Variants in PDE3A observed in about 807,000 individuals in gnomAD.
PDE3A encodes phosphodiesterase 3A, also known as cGMP-inhibited 3',5'-cyclic phosphodiesterase 3A.
In PDE3A, 43 loss-of-function variants were observed where a neutral mutation model predicts 98.3. The observed-to-expected ratio is 0.44, with a 90% CI of 0.34 to 0.56. The LOEUF is 0.56. Among genes scored for constraint, PDE3A ranks in the 20% least tolerant of loss-of-function variants. PDE3A has a pLI of 0.01. For synonymous variants in PDE3A, 663 were observed against 567.9 expected, an observed-to-expected ratio of 1.17 and a Z score of -2.38; for missense variants, 1,427 against 1,440.7, an observed-to-expected ratio of 0.99 and a Z score of 0.15.
chr12:20,677,420 T>C (rs1945669148), intron 15 of PDE3A, among the ~76,000 whole-genome samples: 1 of 151,930 alleles, frequency 6.6e-6, no homozygotes, highest in Admixed American at 6.6e-5. Flanking sequence ...TGCAGTGGTA[T>C]CTGTGTATCT....
intron 1 of PDE3A, among the ~76,000 whole-genome samples, chr12:20,419,713 A>G (rs1228354723): frequency 6.7e-6 from 1 of 148,920 alleles, no homozygotes; most frequent in Admixed American, 6.8e-5. Flanking sequence ...TTATATGACA[A>G]CCCTATGATT....
rs1338809123 is a variant in PDE3A, at chr12:20,551,592, C to CG, written c.961-5063dup. On this transcript the variant is annotated intron_variant, in intron 1 of 15. Coordinates refer to ENST00000359062, the MANE Select transcript of PDE3A (RefSeq NM_000921.5). ...AGCGGGTCTGCGCCTGCCACCTGTGCGGGGGCCGGCAGGACCCCGACAAGC... is the reference window on the plus strand; with the variant it reads ...AGCGGGTCTGCGCCTGCCACCTGTGCGGGGGGCCGGCAGGACCCCGACAAGC... 6.5e-6 allele frequency: 10 copies of CG among 1,549,686 alleles called. No individual in the cohort carries two copies. The East Asian group carries it at 1.9e-4, about 30-fold the overall frequency.
intron 9 of PDE3A, among the ~76,000 whole-genome samples, chr12:20,638,858 T>C (rs568334537): frequency 6.7e-6 from 1 of 149,534 alleles, no homozygotes; most frequent in South Asian, 2.1e-4. Context: ...TTAGTGCAGG[T>C]TTTTTTTTTA....
At chr12:20,426,117 G>A (rs767168123) in intron 1 of PDE3A, among the ~76,000 whole-genome samples, 4 of 152,138 alleles carry the variant, frequency 2.6e-5, no homozygotes, top group African/African-American at 7.2e-5. Flanking sequence ...TAATGCTGTT[G>A]AGGAAAATTT....
chr12:20,611,099 C>T (rs1350194057), intron 2 of PDE3A, among the ~76,000 whole-genome samples: 1 of 151,814 alleles, frequency 6.6e-6, no homozygotes, highest in African/African-American at 2.4e-5. Context: ...ACCTGTCTCA[C>T]TATAGTAACC....
intron 8 of PDE3A, among the ~76,000 whole-genome samples, chr12:20,636,114 G>C (rs1264370025): frequency 1.3e-5 from 2 of 152,134 alleles, no homozygotes; most frequent in Non-Finnish European, 2.9e-5. Context: ...CCTTGACTTA[G>C]AACATGAACC....
chr12:20,554,596 T>C (rs1942316552), intron 1 of PDE3A, among the ~76,000 whole-genome samples: 1 of 151,464 alleles, frequency 6.6e-6, no homozygotes, highest in Non-Finnish European at 1.5e-5. Flanking sequence ...TTTTTTTTTC[T>C]TTTTTTGTGA....
intron 4 of PDE3A, among the ~76,000 whole-genome samples, chr12:20,620,587 C>T (rs914874982): frequency 3.3e-5 from 5 of 152,066 alleles, no homozygotes; most frequent in African/African-American, 9.7e-5. Context: ...TTCTCTAGTT[C>T]AGTCTTCCAT....
chr12:20,442,417 T>G (rs1244238712), intron 1 of PDE3A, among the ~76,000 whole-genome samples: 5 of 152,212 alleles, frequency 3.3e-5, no homozygotes, highest in Non-Finnish European at 7.3e-5. Context: ...CCACTTGACA[T>G]GTTCTTTCAC....
intron 1 of PDE3A, among the ~76,000 whole-genome samples, chr12:20,497,084 C>A (rs7312754): frequency 0.016 from 2,399 of 152,160 alleles, 69 homozygotes; most frequent in African/African-American, 0.055. Context: ...ATTATTAGAT[C>A]CTTCTTCTCA....
intron 15 of PDE3A, among the ~76,000 whole-genome samples, chr12:20,658,711 C>T (rs1202204289): frequency 6.6e-6 from 1 of 152,118 alleles, no homozygotes; most frequent in African/African-American, 2.4e-5. Flanking sequence ...TGCTGGCCTA[C>T]CTTTCTTCTT....
At chr12:20,616,762 A>G (rs2121466274) in intron 4 of PDE3A, among the ~76,000 whole-genome samples, 1 of 152,282 alleles carries the variant, frequency 6.6e-6, no homozygotes, top group Non-Finnish European at 1.5e-5. Context: ...CCCCCAGCCC[A>G]GTCATTAGCC....
At chr12:20,551,110 C>A (rs987689886) in intron 1 of PDE3A, among the ~76,000 whole-genome samples, 3 of 151,496 alleles carry the variant, frequency 2.0e-5, no homozygotes, top group Non-Finnish European at 4.4e-5. Context: ...TATTAATTTG[C>A]AAATATAATA....
At chr12:20,380,448 C>T (rs1420323536) in intron 1 of PDE3A, among the ~76,000 whole-genome samples, 1 of 151,784 alleles carries the variant, frequency 6.6e-6, no homozygotes, top group African/African-American at 2.4e-5. Flanking sequence ...GGTCCACCTA[C>T]TTTTTAATAG....
At chr12:20,660,672 G>A (rs905160238) in intron 15 of PDE3A, among the ~76,000 whole-genome samples, 4 of 152,160 alleles carry the variant, frequency 2.6e-5, no homozygotes, top group Admixed American at 2.6e-4. Context: ...GAGTTCCTTT[G>A]CACAAGTTCT....
At chr12:20,647,371 T>C (rs563676613) in intron 12 of PDE3A, among the ~76,000 whole-genome samples, 45 of 152,304 alleles carry the variant, frequency 3.0e-4, no homozygotes, top group Non-Finnish European at 3.8e-4. Flanking sequence ...ATGATTCTTA[T>C]GACATTATCT....
chr12:20,528,000 T>C (rs1428002550), intron 1 of PDE3A, among the ~76,000 whole-genome samples: 2 of 151,976 alleles, frequency 1.3e-5, no homozygotes, highest in African/African-American at 2.4e-5. Context: ...TTTCTGAGGC[T>C]GAGACTCAGA....
At chr12:20,379,210 G>A (rs1436483300) in intron 1 of PDE3A, among the ~76,000 whole-genome samples, 2 of 151,790 alleles carry the variant, frequency 1.3e-5, no homozygotes, top group South Asian at 2.1e-4. Flanking sequence ...CAGCTATGTG[G>A]AATCAGCATC....
chr12:20,415,626 G>A (rs1443570853), intron 1 of PDE3A, among the ~76,000 whole-genome samples: 2 of 152,090 alleles, frequency 1.3e-5, no homozygotes, highest in South Asian at 2.1e-4. Context: ...TAGTAGAGAC[G>A]GGGTTTCACC....
Sources: gnomAD v4.1 joint callset for allele counts (sites outside exome capture counted in the v4.1 genomes callset) on GRCh38, gnomAD v4.1.1 for gene constraint, MANE v1.5 for transcripts, NCBI Gene and HGNC (gene_info 2026-07-23, HGNC 2026-07-21) for gene names.